ULK4: variants seen among roughly 807,000 people sequenced by gnomAD.
ULK4 encodes unc-51 like kinase 4, also known as inactive serine/threonine-protein kinase ULK4.
A neutral mutation model predicts 160.6 loss-of-function variants in ULK4; 133 were observed. That is an observed-to-expected ratio of 0.83 (90% CI 0.72 to 0.96). The LOEUF (loss-of-function observed/expected upper bound fraction) is 0.96. Ranked by LOEUF, ULK4 falls within the 40% of genes least tolerant of loss-of-function variation. ULK4 has a pLI of 0.00. For synonymous variants in ULK4, 534 were observed against 539.8 expected, an observed-to-expected ratio of 0.99 and a Z score of 0.15; for missense variants, 1,580 against 1,499.5, an observed-to-expected ratio of 1.05 and a Z score of -0.89.
chr3:41,656,287 A>G (rs1039545852), intron 30 of ULK4, among the ~76,000 whole-genome samples: 2 of 152,120 alleles, frequency 1.3e-5, no homozygotes, highest in African/African-American at 2.4e-5. Context: ...AGAAATATTA[A>G]TATTTCTTTT....
chr3:41,772,661 T>C (rs978680393), intron 21 of ULK4, among the ~76,000 whole-genome samples: 26 of 152,284 alleles, frequency 1.7e-4, no homozygotes, highest in Non-Finnish European at 3.4e-4. Flanking sequence ...ACTGGTACCA[T>C]TCCTTCTGAA....
intron 35 of ULK4, among the ~76,000 whole-genome samples, chr3:41,302,591 C>G (rs564078577): frequency 6.6e-6 from 1 of 152,146 alleles, no homozygotes; most frequent in Non-Finnish European, 1.5e-5. Flanking sequence ...TTTAACTATC[C>G]GCAAAGTTCT....
intron 17 of ULK4, among the ~76,000 whole-genome samples, chr3:41,843,827 G>A (rs2041997441): frequency 6.6e-6 from 1 of 152,104 alleles, no homozygotes; most frequent in South Asian, 2.1e-4. Flanking sequence ...CTGATTGGTA[G>A]AGCCGAGTGG....
rs187342762 is a variant in ULK4 at position 41,798,072 on chromosome 3, C to T, written c.2010+2060G>A. Among the ~76,000 whole-genome samples, 33 of 151,848 alleles carry T rather than the reference C, an allele frequency of 2.2e-4. No individual in the cohort carries two copies. The East Asian group carries it at 6.4e-3, about 29-fold the overall frequency. On this transcript the variant is annotated intron_variant, in intron 20 of 36. Coordinates refer to ENST00000301831, the MANE Select transcript of ULK4 (RefSeq NM_017886.4). ...GTAAAATTAATGATTCAGATAAATG[C>T]TAAGAGCAAGTAATAAGAAGCCCAA...
At chr3:41,362,406 A>T (rs1011226652) in intron 35 of ULK4, among the ~76,000 whole-genome samples, 3 of 152,230 alleles carry the variant, frequency 2.0e-5, no homozygotes, top group African/African-American at 4.8e-5. Flanking sequence ...GAACATTCGA[A>T]TCAGCAACAC....
At chr3:41,482,318 T>G (rs920399691) in intron 32 of ULK4, among the ~76,000 whole-genome samples, 1 of 152,160 alleles carries the variant, frequency 6.6e-6, no homozygotes, top group Non-Finnish European at 1.5e-5. Flanking sequence ...GGCATCCTTC[T>G]GAGAAACACA....
chr3:41,775,676 G>C (rs1393975482), intron 21 of ULK4, among the ~76,000 whole-genome samples: 3 of 150,618 alleles, frequency 2.0e-5, no homozygotes, highest in Non-Finnish European at 2.9e-5. Context: ...TGGGATTACA[G>C]GCATGAGCCA....
At chr3:41,648,487 A>G (rs1190734030) in intron 30 of ULK4, among the ~76,000 whole-genome samples, 1 of 152,236 alleles carries the variant, frequency 6.6e-6, no homozygotes, top group Admixed American at 6.5e-5. Context: ...TAAAAATAGC[A>G]GTATGTAATA....
At chr3:41,881,168 C>G (rs1034977678) in intron 17 of ULK4, among the ~76,000 whole-genome samples, 3 of 151,516 alleles carry the variant, frequency 2.0e-5, no homozygotes, top group African/African-American at 7.3e-5. Context: ...AAATCATGTG[C>G]TAGGTGTTGA....
chr3:41,533,092 T>G (rs928475339), intron 32 of ULK4, among the ~76,000 whole-genome samples: 7 of 152,206 alleles, frequency 4.6e-5, no homozygotes, highest in African/African-American at 1.7e-4. Flanking sequence ...AGAGATCATG[T>G]AGAGAGAGAG....
intron 31 of ULK4, among the ~76,000 whole-genome samples, chr3:41,610,160 C>T (rs566883292): frequency 9.9e-5 from 15 of 151,590 alleles, no homozygotes; most frequent in African/African-American, 3.6e-4. Context: ...GGATTACAGG[C>T]ACACACCACC....
chr3:41,279,268 A>AAC (rs1559501600), intron 35 of ULK4, among the ~76,000 whole-genome samples: 6 of 145,356 alleles, frequency 4.1e-5, no homozygotes, highest in South Asian at 2.2e-4. Flanking sequence ...AAAAAAAAAA[A>AAC]AAAAAAACAA....
chr3:41,465,604 T>C (rs957227768), intron 32 of ULK4, among the ~76,000 whole-genome samples: 1 of 152,186 alleles, frequency 6.6e-6, no homozygotes, highest in African/African-American at 2.4e-5. Flanking sequence ...GCCACTTATT[T>C]GTTGGATAAA....
intron 35 of ULK4, among the ~76,000 whole-genome samples, chr3:41,299,905 C>T (rs2079748175): frequency 6.6e-6 from 1 of 152,086 alleles, no homozygotes; most frequent in South Asian, 2.1e-4. Context: ...TATAAATAAG[C>T]TTATACATCT....
intron 21 of ULK4, among the ~76,000 whole-genome samples, chr3:41,777,736 A>C (rs2039680270): frequency 7.6e-6 from 1 of 130,934 alleles, no homozygotes; most frequent in Admixed American, 7.8e-5. Flanking sequence ...AGCGGCTTTG[A>C]GTGAGATTCT....
At position 41,916,044 on chromosome 3, in the gene ULK4, G is replaced by T. The variant is rs375337313; in HGVS notation, c.736C>A (p.Arg246Ser). The change falls in exon 8 of 37, where the codon CGT (arginine) becomes AGT (serine). Residue 246 changes from arginine (R) to serine (S), a missense_variant. Coordinates refer to ENST00000301831, the MANE Select transcript of ULK4 (RefSeq NM_017886.4). ...PLPPIPKDSS[R>S]PKASSDFINL... ...ATAAAATCTGAAGAAGCTTTAGGAC[G>T]AGAAGAATCTATAAATGAATTAATT... is the stretch of plus-strand genomic sequence containing the variant. 6.3e-7 allele frequency: 1 copy of T among 1,577,584 alleles called. No homozygotes were observed. Among genetic ancestry groups the T allele is most frequent in the Non-Finnish European group, 8.6e-7 (1 of 1,167,234 alleles).
chr3:41,825,411 TG>T (rs145239864), intron 18 of ULK4, among the ~76,000 whole-genome samples: 6,642 of 152,058 alleles, frequency 0.044, 452 homozygotes, highest in African/African-American at 0.15. Flanking sequence ...TTAAAAACCT[TG>T]AAAAAAAATT....
At chr3:41,696,592 CTT>C (rs1345529716) in intron 27 of ULK4, among the ~76,000 whole-genome samples, 2 of 152,160 alleles carry the variant, frequency 1.3e-5, no homozygotes, top group African/African-American at 4.8e-5. Context: ...TCTTTTATCT[CTT>C]TGTCTTATGT....
intron 34 of ULK4, among the ~76,000 whole-genome samples, chr3:41,401,878 C>T (rs551948647): frequency 1.3e-5 from 2 of 152,212 alleles, no homozygotes; most frequent in Non-Finnish European, 2.9e-5. Context: ...GTAAGGTGGG[C>T]CCAGTTGTGT....
Sources: gnomAD v4.1 joint callset for allele counts (sites outside exome capture counted in the v4.1 genomes callset) on GRCh38, gnomAD v4.1.1 for gene constraint, MANE v1.5 for transcripts, NCBI Gene and HGNC (gene_info 2026-07-23, HGNC 2026-07-21) for gene names.